Variants in MAGI2 observed in about 807,000 individuals in gnomAD.
The protein encoded by MAGI2 is membrane-associated guanylate kinase, WW and PDZ domain-containing protein 2.
MAGI2 carries 35 observed loss-of-function variants against 133.3 expected under a neutral mutation model. The observed-to-expected ratio is 0.26, with a 90% CI of 0.20 to 0.35. The LOEUF is 0.35. Ranked by LOEUF, MAGI2 falls within the 10% of genes least tolerant of loss-of-function variation. MAGI2 has a pLI of 1.00. For missense variants in MAGI2, 1,636 were observed against 1,863.4 expected (o/e 0.88, Z 2.25); for synonymous variants, 729 against 710.6 (o/e 1.03, Z -0.41).
intron 6 of MAGI2, among the ~76,000 whole-genome samples, chr7:78,436,575 A>G (rs567563236): frequency 6.6e-6 from 1 of 152,260 alleles, no homozygotes; most frequent in South Asian, 2.1e-4. Context: ...AAACAAACAA[A>G]AACCTAGAAA....
intron 1 of MAGI2, among the ~76,000 whole-genome samples, chr7:79,190,784 T>C: frequency 6.6e-6 from 1 of 151,884 alleles, no homozygotes. Context: ...CACATTAACA[T>C]GCTATATTTT....
intron 1 of MAGI2, among the ~76,000 whole-genome samples, chr7:79,345,669 G>T (rs1258400682): frequency 1.3e-5 from 2 of 151,968 alleles, no homozygotes; most frequent in African/African-American, 2.4e-5. Context: ...AAAAATCTAA[G>T]AATTATGAAG....
intron 2 of MAGI2, among the ~76,000 whole-genome samples, chr7:78,745,551 A>G (rs376299200): frequency 2.1e-4 from 32 of 151,424 alleles, no homozygotes; most frequent in African/African-American, 5.5e-4. Flanking sequence ...AAACAACAAC[A>G]ACGTTATTTC....
At chr7:78,887,895 T>C (rs1796395101) in intron 2 of MAGI2, among the ~76,000 whole-genome samples, 1 of 152,044 alleles carries the variant, frequency 6.6e-6, no homozygotes, top group Non-Finnish European at 1.5e-5. Flanking sequence ...GGACAGTGGG[T>C]GCAGCGCACC....
intron 2 of MAGI2, among the ~76,000 whole-genome samples, chr7:78,765,397 G>A (rs1249067434): frequency 1.4e-5 from 2 of 138,448 alleles, no homozygotes; most frequent in Admixed American, 1.6e-4. Context: ...CAACAAGGCT[G>A]GAGTACAGTG....
intron 1 of MAGI2, among the ~76,000 whole-genome samples, chr7:79,142,903 C>A (rs868715574): frequency 1.9e-4 from 29 of 152,270 alleles, no homozygotes; most frequent in Middle Eastern, 6.8e-3. Context: ...GGGAGCCCAC[C>A]CTTTTTGCTC....
intron 1 of MAGI2, among the ~76,000 whole-genome samples, chr7:79,170,984 A>G (rs1247849244): frequency 2.6e-5 from 4 of 152,162 alleles, no homozygotes; most frequent in African/African-American, 4.8e-5. Context: ...CATTCACAAC[A>G]TATATCATAA....
chr7:78,135,763 A>G (rs1822052150), intron 16 of MAGI2, among the ~76,000 whole-genome samples: 1 of 152,214 alleles, frequency 6.6e-6, no homozygotes, highest in Non-Finnish European at 1.5e-5. Flanking sequence ...GGTAGTAGCC[A>G]CTTGGTAAAG....
intron 1 of MAGI2, among the ~76,000 whole-genome samples, chr7:79,048,379 G>A (rs906694891): frequency 2.0e-5 from 3 of 152,104 alleles, no homozygotes; most frequent in African/African-American, 4.8e-5. Flanking sequence ...AAAATGCCAC[G>A]ATGTTCTCCA....
chr7:78,626,896 A>T (rs1808422350), intron 3 of MAGI2, among the ~76,000 whole-genome samples: 1 of 150,768 alleles, frequency 6.6e-6, no homozygotes, highest in Non-Finnish European at 1.5e-5. Flanking sequence ...GTGTATATAT[A>T]TAAAATATAA....
chr7:78,826,739 T>G (rs1480209252), intron 2 of MAGI2, among the ~76,000 whole-genome samples: 1 of 152,096 alleles, frequency 6.6e-6, no homozygotes, highest in African/African-American at 2.4e-5. Context: ...ACAAAAAATA[T>G]GAAACAGCCT....
chr7:78,241,829 G>A (rs1791175174), intron 10 of MAGI2, among the ~76,000 whole-genome samples: 1 of 151,934 alleles, frequency 6.6e-6, no homozygotes. Flanking sequence ...AGCTTCTCGG[G>A]AGGCTGAGGC....
intron 2 of MAGI2, among the ~76,000 whole-genome samples, chr7:78,920,414 A>G (rs1387763300): frequency 1.3e-5 from 2 of 152,142 alleles, no homozygotes; most frequent in African/African-American, 4.8e-5. Context: ...TATTGTTTTT[A>G]GTTTCAAGTT....
intron 2 of MAGI2, among the ~76,000 whole-genome samples, chr7:78,988,711 A>G (rs1156504922): frequency 6.6e-6 from 1 of 152,106 alleles, no homozygotes; most frequent in African/African-American, 2.4e-5. Context: ...GTGAACCTCT[A>G]TAGCCCCATA....
intron 1 of MAGI2, among the ~76,000 whole-genome samples, chr7:79,058,126 CT>C (rs1813333755): frequency 6.6e-6 from 1 of 151,910 alleles, no homozygotes; most frequent in African/African-American, 2.4e-5. Flanking sequence ...AAAGAAGGAA[CT>C]GAGAGAACAA....
intron 1 of MAGI2, among the ~76,000 whole-genome samples, chr7:79,247,894 A>C (rs916971470): frequency 6.6e-6 from 1 of 152,200 alleles, no homozygotes; most frequent in Non-Finnish European, 1.5e-5. Flanking sequence ...TCAAGAAATT[A>C]AAACATACCA....
intron 6 of MAGI2, among the ~76,000 whole-genome samples, chr7:78,380,142 AACACAC>A (rs3061267): frequency 1.0e-4 from 15 of 149,154 alleles, no homozygotes; most frequent in East Asian, 9.8e-4. Flanking sequence ...CTCTAGGGAC[AACACAC>A]ACACACACAC....
intron 1 of MAGI2, among the ~76,000 whole-genome samples, chr7:79,334,922 T>C (rs1177307270): frequency 6.6e-6 from 1 of 152,176 alleles, no homozygotes; most frequent in Non-Finnish European, 1.5e-5. Flanking sequence ...TTTCATGGGC[T>C]ACTTGAAGAA....
chr7:78,519,386 T>C (rs1293306841), intron 4 of MAGI2, among the ~76,000 whole-genome samples: 2 of 152,090 alleles, frequency 1.3e-5, no homozygotes, highest in Non-Finnish European at 2.9e-5. Flanking sequence ...CATCTCCCCA[T>C]AACAGGAAAG....
Sources: allele counts gnomAD v4.1 joint callset (sites outside exome capture counted in the v4.1 genomes callset), GRCh38; gene constraint gnomAD v4.1.1; transcripts MANE v1.5; gene names NCBI Gene and HGNC (gene_info 2026-07-23, HGNC 2026-07-21).